Variants in RTN3 observed in about 807,000 individuals in gnomAD.
The protein encoded by RTN3 is reticulon 3.
RTN3 carries 49 observed loss-of-function variants against 77.8 expected under a neutral mutation model. The observed-to-expected ratio is 0.63, with a 90% CI of 0.50 to 0.80. The LOEUF is 0.80. Among genes scored for constraint, RTN3 ranks in the 30% least tolerant of loss-of-function variants. The pLI, the probability that RTN3 is intolerant of heterozygous loss-of-function variation, is 0.00. For missense variants in RTN3, 1,236 were observed against 1,211.9 expected (o/e 1.02, Z -0.29); for synonymous variants, 464 against 446.9 (o/e 1.04, Z -0.48).
chr11:63,740,499 A>G (rs969032987), intron 3 of RTN3, among the ~76,000 whole-genome samples: 2 of 129,592 alleles, frequency 1.5e-5, no homozygotes, highest in Admixed American at 9.0e-5. Context: ...GGATTTCACT[A>G]TGTTGGCCTG....
intron 3 of RTN3, among the ~76,000 whole-genome samples, chr11:63,723,940 A>G (rs566824189): frequency 7.9e-5 from 12 of 152,272 alleles, no homozygotes; most frequent in African/African-American, 2.9e-4. Flanking sequence ...GTTGCTGAGT[A>G]ATTAAGTTAT....
chr11:63,758,124 T>C (rs760137531), intron 8 of RTN3, 32 bp from the exon 9 acceptor site: 14 of 1,456,004 alleles, frequency 9.6e-6, no homozygotes, highest in Non-Finnish European at 1.3e-5. Flanking sequence ...ATGTTTTCAC[T>C]TTCTTTCTTT....
chr11:63,710,108 G>C (rs1187027263), intron 2 of RTN3, among the ~76,000 whole-genome samples: 1 of 152,156 alleles, frequency 6.6e-6, no homozygotes, highest in Non-Finnish European at 1.5e-5. Flanking sequence ...CTTTATCTAA[G>C]AGACACTTTG....
chr11:63,724,964 G>GTT (rs1234985167), intron 3 of RTN3, among the ~76,000 whole-genome samples: 3 of 126,078 alleles, frequency 2.4e-5, no homozygotes, highest in African/African-American at 5.9e-5. Context: ...TTAAAGTTTT[G>GTT]TTTTTTTTTT....
chr11:63,725,534 C>T (rs1447630406), intron 3 of RTN3, among the ~76,000 whole-genome samples: 3 of 151,874 alleles, frequency 2.0e-5, no homozygotes, highest in South Asian at 2.1e-4. Flanking sequence ...CTGCAAGCTC[C>T]GCCTCCCGGG....
intron 6 of RTN3, 22 bp downstream of exon 6, chr11:63,753,160 G>T: frequency 1.2e-6 from 2 of 1,606,032 alleles, no homozygotes; most frequent in Non-Finnish European, 1.7e-6. Context: ...AGGAGAATGT[G>T]CCCATGCTCT....
chr11:63,746,291 G>T (rs529198884), intron 3 of RTN3, among the ~76,000 whole-genome samples: 1 of 152,098 alleles, frequency 6.6e-6, no homozygotes, highest in East Asian at 1.9e-4. Flanking sequence ...AGGAAGTCCC[G>T]TATAATCTGC....
At chr11:63,754,296 A>G (rs1226650372) in intron 7 of RTN3, among the ~76,000 whole-genome samples, 1 of 152,102 alleles carries the variant, frequency 6.6e-6, no homozygotes, top group African/African-American at 2.4e-5. Context: ...GCTCATGCCT[A>G]TAATCCTAAC....
chr11:63,707,935 G>C (rs1942577126), intron 2 of RTN3, among the ~76,000 whole-genome samples: 1 of 152,208 alleles, frequency 6.6e-6, no homozygotes, highest in Admixed American at 6.5e-5. Context: ...CAAAACACAT[G>C]ATGGAAAAGT....
intron 1 of RTN3, among the ~76,000 whole-genome samples, chr11:63,701,538 G>A (rs760059176): frequency 4.6e-5 from 7 of 152,068 alleles, no homozygotes; most frequent in South Asian, 2.1e-4. Context: ...GCAAAGTGCC[G>A]GAGGCTCCTC....
intron 8 of RTN3, among the ~76,000 whole-genome samples, chr11:63,757,754 C>T (rs1260477377): frequency 7.3e-6 from 1 of 136,372 alleles, no homozygotes; most frequent in African/African-American, 2.7e-5. Flanking sequence ...TGGAGTCTCG[C>T]TGTCACCCAG....
At chr11:63,737,887 C>T (rs2013235386) in intron 3 of RTN3, among the ~76,000 whole-genome samples, 1 of 152,182 alleles carries the variant, frequency 6.6e-6, no homozygotes, top group Non-Finnish European at 1.5e-5. Context: ...GTGTGTCTGT[C>T]TTTGACAGTG....
At chr11:63,723,390 A>G (rs1440159031) in intron 3 of RTN3, among the ~76,000 whole-genome samples, 1 of 151,356 alleles carries the variant, frequency 6.6e-6, no homozygotes, top group Non-Finnish European at 1.5e-5. Flanking sequence ...AGTAAAATGC[A>G]TCAGTGTCTA....
chr11:63,739,855 G>C (rs1590871182), intron 3 of RTN3, among the ~76,000 whole-genome samples: 1 of 152,170 alleles, frequency 6.6e-6, no homozygotes, highest in Non-Finnish European at 1.5e-5. Flanking sequence ...CCTGATGTTT[G>C]AGTGTAGATG....
intron 3 of RTN3, among the ~76,000 whole-genome samples, chr11:63,721,953 A>G (rs751754696): frequency 6.6e-6 from 1 of 152,138 alleles, no homozygotes; most frequent in Non-Finnish European, 1.5e-5. Flanking sequence ...TTTCTATCTT[A>G]TTTAATATTC....
chr11:63,735,884 G>C (rs1265837461), intron 3 of RTN3, among the ~76,000 whole-genome samples: 1 of 151,996 alleles, frequency 6.6e-6, no homozygotes, highest in African/African-American at 2.4e-5. Flanking sequence ...TGGAGAACTT[G>C]GAACATTTAT....
intron 1 of RTN3, among the ~76,000 whole-genome samples, chr11:63,694,732 A>G (rs572336212): frequency 7.9e-5 from 12 of 152,344 alleles, no homozygotes; most frequent in African/African-American, 2.4e-4. Context: ...TGCTGGGATC[A>G]CACGAGTGAG....
intron 2 of RTN3, among the ~76,000 whole-genome samples, chr11:63,718,015 C>CAAAA (rs557512588): frequency 9.9e-6 from 1 of 100,750 alleles, no homozygotes; most frequent in Non-Finnish European, 2.1e-5. Context: ...GACTCCGTAT[C>CAAAA]AAAAAAAAAA....
chr11:63,734,758 CACACACACACACACACACACACA>C (rs1565333313), intron 3 of RTN3, among the ~76,000 whole-genome samples: 23 of 150,250 alleles, frequency 1.5e-4, no homozygotes, highest in South Asian at 4.3e-4. Context: ...CACACACACA[CACACACACACACACACACACACA>C]CCATACTGGA....
Sources: allele counts gnomAD v4.1 joint callset (sites outside exome capture counted in the v4.1 genomes callset), GRCh38; gene constraint gnomAD v4.1.1; transcripts MANE v1.5; gene names NCBI Gene and HGNC (gene_info 2026-07-23, HGNC 2026-07-21).